Variants in ST3GAL6 observed in about 807,000 individuals in gnomAD.
The protein encoded by ST3GAL6 is type 2 lactosamine alpha-2,3-sialyltransferase.
Under a neutral mutation model 40.5 loss-of-function variants are expected in ST3GAL6, and 31 were observed. That is an observed-to-expected ratio of 0.77 (90% confidence interval 0.58 to 1.03). The LOEUF (loss-of-function observed/expected upper bound fraction) is 1.03. ST3GAL6 is among the 50% of genes least tolerant of loss of function. The probability of loss-of-function intolerance (pLI) is 0.00; values close to 1 mark genes in which losing one functional copy is unlikely to be tolerated. For synonymous variants in ST3GAL6, 129 were observed against 136.9 expected (o/e 0.94, Z 0.40); for missense variants, 357 against 393.2 (o/e 0.91, Z 0.78).
At chr3:98,755,953 C>T (rs1217293967) in intron 1 of ST3GAL6, among the ~76,000 whole-genome samples, 1 of 152,078 alleles carries the variant, frequency 6.6e-6, no homozygotes, top group Non-Finnish European at 1.5e-5. Context: ...CTCCTTCTGT[C>T]CCTTCCTCTT....
chr3:98,790,338 A>G (rs1200627640), intron 8 of ST3GAL6, among the ~76,000 whole-genome samples: 1 of 152,190 alleles, frequency 6.6e-6, no homozygotes, highest in African/African-American at 2.4e-5. Context: ...GTTACATCTC[A>G]TCCATTATAA....
chr3:98,744,992 C>T (rs988930605), intron 1 of ST3GAL6, among the ~76,000 whole-genome samples: 3 of 151,732 alleles, frequency 2.0e-5, no homozygotes, highest in South Asian at 2.1e-4. Context: ...ATTGAAAGAT[C>T]GTCTTTAAAC....
At chr3:98,734,269 T>C (rs1935329074) in intron 1 of ST3GAL6, among the ~76,000 whole-genome samples, 1 of 152,226 alleles carries the variant, frequency 6.6e-6, no homozygotes, top group South Asian at 2.1e-4. Context: ...ATTTGACATT[T>C]GCAAGTTGGT....
chr3:98,746,866 C>T lies in ST3GAL6; in HGVS notation c.-12+14334C>T, dbSNP rs189303291. 8.5e-5 allele frequency among the ~76,000 whole-genome samples: 13 copies of T among 152,242 alleles called. 1 individual carries two copies. Among genetic ancestry groups the T allele is most frequent in the Middle Eastern group, 3.4e-3 (1 of 294 alleles). On this transcript the variant is annotated intron_variant, in intron 1 of 9. Transcript: ENST00000265261. ...TATTTGTTAACTAGATTTCAGTTTACACTTGATAATAAACCTTGTTACAAT... is the reference window on the plus strand; with the variant it reads ...TATTTGTTAACTAGATTTCAGTTTATACTTGATAATAAACCTTGTTACAAT...
chr3:98,753,212 A>T (rs1195511456), intron 1 of ST3GAL6, among the ~76,000 whole-genome samples: 1 of 152,334 alleles, frequency 6.6e-6, no homozygotes, highest in South Asian at 2.1e-4. Flanking sequence ...ATATATAGAG[A>T]GTATTAGTGG....
At chr3:98,782,549 A>G (rs1940237628) in intron 5 of ST3GAL6, 1 of 560,998 alleles carries the variant, frequency 1.8e-6, no homozygotes, top group South Asian at 2.0e-5. Flanking sequence ...CCTACAATCC[A>G]AGTACCATGC....
intron 5 of ST3GAL6, among the ~76,000 whole-genome samples, chr3:98,776,630 A>G (rs985567249): frequency 2.0e-5 from 3 of 152,112 alleles, no homozygotes; most frequent in Admixed American, 6.5e-5. Context: ...TTCTTTACTG[A>G]TATTTATATA....
At chr3:98,772,968 G>A (rs1939155429) in intron 4 of ST3GAL6, 52 bp downstream of exon 4, 1 of 1,122,632 alleles carries the variant, frequency 8.9e-7, no homozygotes, top group South Asian at 1.3e-5. Context: ...GGTGTTTGAT[G>A]AGAATGGCAT....
intron 1 of ST3GAL6, among the ~76,000 whole-genome samples, chr3:98,766,656 C>T (rs781671190): frequency 2.2e-4 from 34 of 152,058 alleles, no homozygotes; most frequent in Non-Finnish European, 4.0e-4. Context: ...CTCCTGACCT[C>T]GTGATCCACC....
intron 1 of ST3GAL6, among the ~76,000 whole-genome samples, chr3:98,736,135 C>T (rs530782007): frequency 6.6e-6 from 1 of 152,280 alleles, no homozygotes; most frequent in East Asian, 1.9e-4. Context: ...CTGCCACAAA[C>T]TTTTGTATCT....
intron 1 of ST3GAL6, among the ~76,000 whole-genome samples, chr3:98,764,307 G>A (rs1938102275): frequency 6.6e-6 from 1 of 151,976 alleles, no homozygotes; most frequent in Non-Finnish European, 1.5e-5. Context: ...AAGCATTAGG[G>A]GAGTCTAAAA....
At chr3:98,732,670 G>A in intron 1 of ST3GAL6, 3 of 541,332 alleles carry the variant, frequency 5.5e-6, no homozygotes, top group Admixed American at 8.4e-5. Context: ...CGGAGCAGGA[G>A]GAGCTTCCCG....
In ST3GAL6 at chr3:98,794,279, G is replaced by A. The variant is rs1941433669; in HGVS notation, c.*518G>A. ...CCAGAATTAAATGAACCATGATTGT[G>A]AAGAGTAATTTGGTACAATGAAGGC... is the stretch of plus-strand genomic sequence containing the variant. On this transcript the variant is annotated 3_prime_UTR_variant, in exon 10 of 10. Transcript: ENST00000483910. The A allele has an allele frequency of 6.6e-6, 1 of 152,184 alleles. No individual in the cohort carries two copies. The highest frequency in any genetic ancestry group is 2.4e-5 in the African/African-American group (1 of 41,450). 9.4% of individuals were successfully genotyped at this position (152,184 alleles called of 1,614,324 possible).
intron 2 of ST3GAL6, among the ~76,000 whole-genome samples, chr3:98,769,137 A>T (rs887094142): frequency 1.3e-5 from 2 of 152,238 alleles, no homozygotes; most frequent in African/African-American, 4.8e-5. Flanking sequence ...ATGCTAAAAT[A>T]AATCACATAA....
intron 1 of ST3GAL6, chr3:98,733,107 G>A: frequency 4.5e-6 from 6 of 1,342,356 alleles, no homozygotes; most frequent in Non-Finnish European, 5.7e-6. Context: ...TGCAGCCTCT[G>A]AGGCTCAGGG....
chr3:98,740,225 C>CTTT (rs764868667), intron 1 of ST3GAL6, among the ~76,000 whole-genome samples: 156 of 122,120 alleles, frequency 1.3e-3, no homozygotes, highest in African/African-American at 3.8e-3. Flanking sequence ...TTGCAAAACA[C>CTTT]TTTTTTTTTT....
chr3:98,770,536 C>T (rs1576090895), intron 2 of ST3GAL6: 1 of 199,700 alleles, frequency 5.0e-6, no homozygotes, highest in East Asian at 1.4e-4. Flanking sequence ...GTTTCGGTTT[C>T]TCCAGCTTTC....
intron 8 of ST3GAL6, among the ~76,000 whole-genome samples, chr3:98,790,949 A>G (rs1941151298): frequency 1.3e-5 from 2 of 152,224 alleles, no homozygotes; most frequent in African/African-American, 4.8e-5. Context: ...GCTTTCGGAC[A>G]AGTTTGCCTC....
intron 3 of ST3GAL6, 83 bp from the exon 4 acceptor site, chr3:98,772,730 T>C: frequency 2.3e-6 from 2 of 865,208 alleles, no homozygotes; most frequent in Non-Finnish European, 3.9e-6. Context: ...GATTATATGC[T>C]GTAGTTACTT....
Sources: allele counts gnomAD v4.1 joint callset (sites outside exome capture counted in the v4.1 genomes callset), GRCh38; gene constraint gnomAD v4.1.1; transcripts MANE v1.5; gene names NCBI Gene and HGNC (gene_info 2026-07-23, HGNC 2026-07-21).